Variants in KANSL2 observed in about 807,000 individuals in gnomAD.
KANSL2 encodes the protein NSL complex protein NSL2.
Under a neutral mutation model 55.6 loss-of-function variants are expected in KANSL2, and 34 were observed. The observed-to-expected ratio is 0.61, with a 90% CI of 0.46 to 0.81. The LOEUF is 0.81. KANSL2 is among the 40% of genes least tolerant of loss of function. The pLI, the probability that KANSL2 is intolerant of heterozygous loss-of-function variation, is 0.00. For missense variants in KANSL2, 502 were observed against 609.9 expected, an observed-to-expected ratio of 0.82 and a Z score of 1.86; for synonymous variants, 209 against 214.3, an observed-to-expected ratio of 0.98 and a Z score of 0.22.
intron 5 of KANSL2, among the ~76,000 whole-genome samples, chr12:48,669,726 G>A (rs751421285): frequency 6.6e-6 from 1 of 151,666 alleles, no homozygotes; most frequent in Non-Finnish European, 1.5e-5. Flanking sequence ...TTTCATTGTG[G>A]TCTCGATCTC....
chr12:48,670,522 G>A (rs114289538), intron 5 of KANSL2, among the ~76,000 whole-genome samples: 30 of 152,240 alleles, frequency 2.0e-4, no homozygotes, highest in African/African-American at 7.0e-4. Flanking sequence ...TTGCATCTTA[G>A]TTTTTAACAG....
chr12:48,672,433 A>ATATTTTTTTT (rs371918890), intron 4 of KANSL2, among the ~76,000 whole-genome samples: 1 of 120,376 alleles, frequency 8.3e-6, no homozygotes, highest in African/African-American at 3.6e-5. Context: ...ATATATATAT[A>ATATTTTTTTT]TTTTTTTTTT....
chr12:48,677,547 C>T (rs1939844668), intron 4 of KANSL2, among the ~76,000 whole-genome samples: 2 of 151,908 alleles, frequency 1.3e-5, no homozygotes, highest in African/African-American at 2.4e-5. Flanking sequence ...TTTGGGAGGC[C>T]GAGGCAGGTG....
intron 4 of KANSL2, 103 bp from the exon 5 acceptor site, chr12:48,672,065 G>T: frequency 1.0e-6 from 1 of 963,762 alleles, no homozygotes; most frequent in Non-Finnish European, 1.5e-6. Context: ...TTAACAAGTG[G>T]TGACATAATC....
chr12:48,666,416 G>A (rs1279656619), intron 7 of KANSL2, among the ~76,000 whole-genome samples: 1 of 151,694 alleles, frequency 6.6e-6, no homozygotes, highest in Non-Finnish European at 1.5e-5. Context: ...AAATAGGCCA[G>A]GTGCAGTGGC....
intron 4 of KANSL2, among the ~76,000 whole-genome samples, chr12:48,676,008 G>A (rs567919723): frequency 6.6e-6 from 1 of 152,144 alleles, no homozygotes; most frequent in East Asian, 1.9e-4. Context: ...GTTTATAGAG[G>A]TCATATGATA....
chr12:48,660,664 G>A (rs776137302), intron 7 of KANSL2, 45 bp from the exon 8 acceptor site: 1 of 1,573,372 alleles, frequency 6.4e-7, no homozygotes, highest in South Asian at 1.2e-5. Context: ...TCTATCGAAA[G>A]CATAAAATAC....
At chr12:48,658,123 CG>C (rs1279636491) in intron 8 of KANSL2, among the ~76,000 whole-genome samples, 2 of 151,956 alleles carry the variant, frequency 1.3e-5, no homozygotes, top group African/African-American at 4.8e-5. Context: ...CCCAACTACT[CG>C]GAAGGCTTAG....
intron 4 of KANSL2, 115 bp from the exon 5 acceptor site, chr12:48,672,077 C>A: frequency 1.2e-6 from 1 of 847,436 alleles, no homozygotes; most frequent in Admixed American, 3.5e-5. Flanking sequence ...GACATAATCA[C>A]CTTAATGTTT....
intron 8 of KANSL2, among the ~76,000 whole-genome samples, chr12:48,659,556 G>A (rs1352921767): frequency 2.0e-5 from 3 of 151,932 alleles, no homozygotes; most frequent in Non-Finnish European, 2.9e-5. Context: ...CCAGGAGTTC[G>A]AGGCTGCACG....
intron 7 of KANSL2, among the ~76,000 whole-genome samples, chr12:48,662,970 T>G (rs1939516348): frequency 6.6e-6 from 1 of 152,218 alleles, no homozygotes; most frequent in South Asian, 2.1e-4. Flanking sequence ...TATTGTTCCC[T>G]TCCAGTATTT....
rs2137195377 is a variant in KANSL2, at chr12:48,671,743, T to C, written c.709+56A>G. On this transcript the variant is annotated intron_variant, in intron 5 of 9. Coordinates refer to ENST00000420613, the MANE Select transcript of KANSL2 (RefSeq NM_017822.4). ...ATCATTAAGTGACACATGACTGTAC[T>C]ACCAAATTCACATGTTAAACCCACA... is the stretch of plus-strand genomic sequence containing the variant. 2.6e-6 allele frequency: 4 copies of C among 1,531,620 alleles called. No homozygotes were observed. The East Asian group carries it at 9.1e-5, about 35-fold the overall frequency. The allele number at this position is 1,531,620 out of a possible 1,614,324, so 94.9% of individuals were successfully genotyped here.
chr12:48,672,123 TAAAAC>T (rs1247313752), intron 4 of KANSL2, among the ~76,000 whole-genome samples, 161 bp from the exon 5 acceptor site: 9 of 151,016 alleles, frequency 6.0e-5, no homozygotes, highest in Non-Finnish European at 4.4e-5. Context: ...TGTTATTAAA[TAAAAC>T]AAAAGAGAAA....
At chr12:48,667,223 C>A (rs1939617939) in intron 7 of KANSL2, among the ~76,000 whole-genome samples, 2 of 151,914 alleles carry the variant, frequency 1.3e-5, no homozygotes, top group African/African-American at 2.4e-5. Context: ...GAAGTGAGGG[C>A]CCTAACCACA....
intron 9 of KANSL2, among the ~76,000 whole-genome samples, chr12:48,654,695 C>T (rs1178514200): frequency 2.0e-5 from 3 of 152,184 alleles, no homozygotes; most frequent in Admixed American, 6.5e-5. Flanking sequence ...ATGAGGATCA[C>T]GGGCCATTAG....
intron 7 of KANSL2, among the ~76,000 whole-genome samples, chr12:48,662,136 G>A (rs774260286): frequency 1.3e-5 from 2 of 152,050 alleles, no homozygotes; most frequent in African/African-American, 2.4e-5. Flanking sequence ...ACGAAGTCTC[G>A]CTCTGTCACC....
chr12:48,661,995 A>G (rs1939496305), intron 7 of KANSL2, among the ~76,000 whole-genome samples: 1 of 152,254 alleles, frequency 6.6e-6, no homozygotes, highest in African/African-American at 2.4e-5. Flanking sequence ...AAACATATGA[A>G]TCTAATGGGA....
At position 48,669,138 on chromosome 12, in the gene KANSL2, T is replaced by A; in HGVS notation, c.844A>T (p.Arg282Ter). The A allele has an allele frequency of 6.4e-7, 1 of 1,550,708 alleles. No homozygotes were observed. ...GCAGCACCATCTGTGGCCAGCATTC[T>A]CCGTTCCTTCAACTGCCTATGCAGT... ...ALLHRQLKERRMLATDGAAQQ... is the reference protein window; with the variant it reads ...ALLHRQLKER Residue 282 changes from arginine (R) to a stop codon, truncating the protein, a stop_gained, in exon 6 of 10, where the codon AGA (arginine) becomes TGA (stop). Transcript: ENST00000420613. LOFTEE classifies it high-confidence loss of function.
intron 1 of KANSL2, 173 bp from the exon 2 acceptor site, chr12:48,681,814 C>T: frequency 1.3e-6 from 1 of 787,282 alleles, no homozygotes; most frequent in Non-Finnish European, 2.2e-6. Flanking sequence ...GCTTTGCCTC[C>T]CTTTAGCGTG....
Sources: gnomAD v4.1 joint callset for allele counts (sites outside exome capture counted in the v4.1 genomes callset) on GRCh38, gnomAD v4.1.1 for gene constraint, MANE v1.5 for transcripts, NCBI Gene and HGNC (gene_info 2026-07-23, HGNC 2026-07-21) for gene names.